The following SCP2 variants were observed in gnomAD, a reference collection of about 807,000 sequenced individuals.
SCP2 encodes SCP-2/3-oxoacyl-CoA thiolase.
SCP2 carries 48 observed loss-of-function variants against 71.4 expected under a neutral mutation model. That is an observed-to-expected ratio of 0.67 (90% CI 0.53 to 0.86). The LOEUF is 0.86. SCP2 is among the 40% of genes least tolerant of loss of function. The probability of loss-of-function intolerance (pLI) is 0.00; values close to 1 mark genes in which losing one functional copy is unlikely to be tolerated. For synonymous variants in SCP2, 220 were observed against 218.1 expected (o/e 1.01, Z -0.08); for missense variants, 560 against 655.6 (o/e 0.85, Z 1.59).
At chr1:53,024,567 C>CTTTCTTTCTTTTTTTT (rs1557616890) in intron 12 of SCP2, among the ~76,000 whole-genome samples, 1 of 141,320 alleles carries the variant, frequency 7.1e-6, no homozygotes, top group Non-Finnish European at 1.5e-5. Flanking sequence ...TTCTTTCTTT[C>CTTTCTTTCTTTTTTTT]TTTTTTTTTC....
At position 52,956,523 on chromosome 1, in the gene SCP2, C is replaced by T. The variant is rs572855020; in HGVS notation, c.396+1719C>T. Among the ~76,000 whole-genome samples the T allele has an allele frequency of 5.3e-5, 8 of 152,048 alleles. No homozygotes were observed. The East Asian group carries it at 1.5e-3, about 29-fold the overall frequency. On this transcript the variant is annotated intron_variant, in intron 5 of 15. Transcript: ENST00000371514. ...GAGTTGTTTCCCTCTTTAAAGAATG[C>T]CTTTAAAAAGTGGTAGAAGTTAGGT... is the stretch of plus-strand genomic sequence containing the variant.
rs185890100 is a variant in SCP2 at position 53,018,016 on chromosome 1, G to A, written c.1235+2973G>A. 2.3e-3 allele frequency among the ~76,000 whole-genome samples: 357 copies of A among 152,072 alleles called. 7 individuals are homozygous for A. In the South Asian group the frequency reaches 0.048, roughly 20 times the overall value. ...ATTACAGGTGCTCACTACCACGCCC[G>A]GCTTATTTTTCTATTTGTAGTAAAG... On this transcript the variant is annotated intron_variant, in intron 12 of 15. Transcript: ENST00000371514.
intron 1 of SCP2, 30 bp from the exon 2 acceptor site, chr1:52,941,766 T>A: frequency 6.8e-7 from 1 of 1,467,040 alleles, no homozygotes; most frequent in Non-Finnish European, 9.5e-7. Flanking sequence ...TATACTTGTT[T>A]GTATTTATTA....
chr1:52,973,129 T>C (rs1657640802), intron 6 of SCP2, among the ~76,000 whole-genome samples: 1 of 152,238 alleles, frequency 6.6e-6, no homozygotes, highest in Non-Finnish European at 1.5e-5. Flanking sequence ...GAGCTGAGGT[T>C]AGAAGTTAGT....
Position 53,014,892 on chromosome 1 carries a change from C to T in SCP2, c.1084C>T (p.Leu362Phe), listed in dbSNP as rs754679740. 6.2e-7 allele frequency: 1 copy of T among 1,612,906 alleles called. No individual in the cohort carries two copies. ...GTGCTCTGTGTTCGATTTGTTAGGT[C>T]TTGCTCAGTGTGCAGAACTCTGCTG... ...SKGHPLGATG[L>F]AQCAELCWQL... Residue 362 changes from leucine to phenylalanine, a missense_variant and splice_region_variant, in exon 12 of 16, where the codon CTT becomes TTT. This residue lies in a region of SCP2 where 513 missense variants were observed against 573.1 expected (regional missense o/e 0.90). Coordinates refer to ENST00000371514, the MANE Select transcript of SCP2 (RefSeq NM_002979.5).
chr1:52,932,297 A>T (rs1175050528), intron 1 of SCP2, among the ~76,000 whole-genome samples: 1 of 152,226 alleles, frequency 6.6e-6, no homozygotes, highest in African/African-American at 2.4e-5. Flanking sequence ...TTCTCAACAG[A>T]AACCTTGGAT....
intron 4 of SCP2, among the ~76,000 whole-genome samples, chr1:52,953,145 C>T (rs1031140509): frequency 6.7e-6 from 1 of 150,182 alleles, no homozygotes; most frequent in African/African-American, 2.5e-5. Context: ...AGGGGCCCCC[C>T]TCTCTCCAAA....
chr1:53,023,764 C>T (rs370860845), intron 12 of SCP2, among the ~76,000 whole-genome samples: 5 of 152,124 alleles, frequency 3.3e-5, no homozygotes, highest in East Asian at 3.9e-4. Context: ...ACAGAGTCTG[C>T]TTGCTGGAGA....
At chr1:52,963,178 C>A (rs1358107368) in intron 6 of SCP2, among the ~76,000 whole-genome samples, 1 of 152,080 alleles carries the variant, frequency 6.6e-6, no homozygotes, top group Non-Finnish European at 1.5e-5. Context: ...TCTTAGATAG[C>A]TTCATATTGC....
intron 5 of SCP2, among the ~76,000 whole-genome samples, chr1:52,957,385 T>C (rs1655921525): frequency 6.6e-6 from 1 of 152,234 alleles, no homozygotes; most frequent in Non-Finnish European, 1.5e-5. Context: ...GTAAATTTAC[T>C]GCCTGGGGTA....
At chr1:52,964,216 T>C (rs1266541296) in intron 6 of SCP2, among the ~76,000 whole-genome samples, 35 of 119,212 alleles carry the variant, frequency 2.9e-4, no homozygotes, top group Admixed American at 1.7e-3. Flanking sequence ...TTTTCTCTCT[T>C]TTTTTTTTTT....
At chr1:53,005,718 C>T (rs1313755434) in intron 11 of SCP2, among the ~76,000 whole-genome samples, 1 of 152,168 alleles carries the variant, frequency 6.6e-6, no homozygotes, top group Non-Finnish European at 1.5e-5. Flanking sequence ...AGTGCCTCTT[C>T]CCTCCAAAGG....
At chr1:52,954,655 G>A (rs927842453) in intron 4 of SCP2, 85 bp from the exon 5 acceptor site, 7 of 1,091,216 alleles carry the variant, frequency 6.4e-6, no homozygotes, top group East Asian at 2.4e-5. Flanking sequence ...CTCACTTGAC[G>A]TACTTATTTG....
chr1:52,989,402 T>A (rs1464621215), intron 11 of SCP2, among the ~76,000 whole-genome samples: 4 of 152,184 alleles, frequency 2.6e-5, no homozygotes, highest in African/African-American at 4.8e-5. Flanking sequence ...ACAAAGAACA[T>A]AATCTCTGTG....
At chr1:52,988,004 G>A (rs1490496064) in intron 10 of SCP2, 25 bp from the exon 11 acceptor site, 2 of 1,124,284 alleles carry the variant, frequency 1.8e-6, no homozygotes, top group African/African-American at 1.6e-5. Context: ...ATTAATATTT[G>A]TGAATACTAT....
At chr1:53,049,816 T>C (rs1358864586) in intron 15 of SCP2, 1 of 152,112 alleles carries the variant, frequency 6.6e-6, no homozygotes, top group African/African-American at 2.4e-5. Context: ...CTCCTTACAT[T>C]CCCATGGATG....
In SCP2 at chr1:52,984,996, C is replaced by T. The variant is rs1268962416; in HGVS notation, c.974-3033C>T. On this transcript the variant is annotated intron_variant, in intron 10 of 15. Coordinates refer to ENST00000371514, the MANE Select transcript of SCP2 (RefSeq NM_002979.5). ...CTGGGATTACAGGGGTACACCACCA[C>T]GCCCGGCTAATTTTTGCATATTTTT... Among the ~76,000 whole-genome samples the T allele has an allele frequency of 3.3e-5, 5 of 151,106 alleles. No homozygotes were observed. The South Asian group carries it at 6.3e-4, about 19-fold the overall frequency.
chr1:53,001,705 A>G (rs1660327602), intron 11 of SCP2, among the ~76,000 whole-genome samples: 1 of 152,096 alleles, frequency 6.6e-6, no homozygotes, highest in South Asian at 2.1e-4. Context: ...TCCTCACTGG[A>G]AACGCCCATC....
In SCP2 at chr1:53,028,053, T is replaced by G; in HGVS notation, c.1320T>G (p.Ile440Met). The G allele has an allele frequency of 6.3e-7, 1 of 1,598,872 alleles. No homozygotes were observed. Among genetic ancestry groups the G allele is most frequent in the African/African-American group, 1.3e-5 (1 of 74,688 alleles). ...AGGCAAATCTTGTTTTTAAGGAGAT[T>G]GAGAAGAAACTTGAAGAGGTAAGAT... The part of the protein sequence containing the change: ...GFKANLVFKE[I>M]EKKLEEEGEQ... Residue 440 changes from isoleucine (I) to methionine (M), a missense_variant, in exon 13 of 16, where the codon ATT (isoleucine) becomes ATG (methionine). Physicochemically the swap from Ile to Met is conservative, Grantham distance 10. Around this residue, in one of 3 missense-constraint regions of SCP2, gnomAD observed 513 missense variants for 573.1 expected, o/e 0.90. Transcript: ENST00000371514.
Sources: allele counts gnomAD v4.1 joint callset (sites outside exome capture counted in the v4.1 genomes callset), GRCh38; gene constraint gnomAD v4.1.1; regional missense constraint gnomAD v4.1.1; transcripts MANE v1.5; gene names NCBI Gene and HGNC (gene_info 2026-07-23, HGNC 2026-07-21).